Variants in EYS observed in about 807,000 individuals in gnomAD.
EYS encodes EGF-like photoreceptor maintenance factor.
Under a neutral mutation model 282.1 loss-of-function variants are expected in EYS, and 250 were observed. The observed-to-expected ratio is 0.89, with a 90% CI of 0.80 to 0.98. EYS has a LOEUF of 0.98. Ranked by LOEUF, EYS falls within the 50% of genes least tolerant of loss-of-function variation. EYS has a pLI of 0.00. For missense variants in EYS, 4,016 were observed against 3,709.0 expected, an observed-to-expected ratio of 1.08 and a Z score of -2.15; for synonymous variants, 1,355 against 1,282.9, an observed-to-expected ratio of 1.06 and a Z score of -1.20.
chr6:63,927,797 A>C (rs1764761680), intron 35 of EYS, among the ~76,000 whole-genome samples: 1 of 152,210 alleles, frequency 6.6e-6, no homozygotes, highest in Non-Finnish European at 1.5e-5. Flanking sequence ...TAAGCTACTG[A>C]ATGAACATAG....
At chr6:64,343,554 A>C (rs1411384815) in intron 29 of EYS, among the ~76,000 whole-genome samples, 2 of 152,148 alleles carry the variant, frequency 1.3e-5, no homozygotes, top group African/African-American at 2.4e-5. Context: ...ACACATTCAA[A>C]GCAGTGTGTA....
chr6:63,831,855 C>CA (rs1225327915), intron 36 of EYS, among the ~76,000 whole-genome samples: 4 of 151,970 alleles, frequency 2.6e-5, no homozygotes, highest in African/African-American at 9.7e-5. Context: ...GCAGAAATTA[C>CA]AAAAAACTGT....
At chr6:63,732,518 GATT>G (rs1240425543) in intron 41 of EYS, among the ~76,000 whole-genome samples, 1 of 152,116 alleles carries the variant, frequency 6.6e-6, no homozygotes, top group African/African-American at 2.4e-5. Flanking sequence ...TTATTTTATA[GATT>G]AAAATAAAGT....
At chr6:64,046,802 AT>A (rs1430034089) in intron 33 of EYS, among the ~76,000 whole-genome samples, 1 of 152,068 alleles carries the variant, frequency 6.6e-6, no homozygotes, top group Non-Finnish European at 1.5e-5. Context: ...TTGTTTCCAT[AT>A]TTACTACCTC....
intron 5 of EYS, among the ~76,000 whole-genome samples, chr6:65,436,562 T>C (rs2150388542): frequency 6.6e-6 from 1 of 152,270 alleles, no homozygotes; most frequent in South Asian, 2.1e-4. Flanking sequence ...CAGATCAATA[T>C]CTTCCCTCAC....
chr6:65,040,282 T>C (rs1298512952), intron 13 of EYS, among the ~76,000 whole-genome samples: 1 of 151,728 alleles, frequency 6.6e-6, no homozygotes, highest in Admixed American at 6.6e-5. Context: ...CTGACAACTA[T>C]GAGAGAGAAT....
rs1502964 is a variant in EYS, at chr6:65,335,225, T to C, written c.1600-79A>G. ...ATTACAATTGTGACCTGAGAGATCA[T>C]GATAGATGCCTCTCTGTCTACTAAG... On this transcript the variant is annotated intron_variant, in intron 10 of 42. Transcript: ENST00000503581. 1,009,360 of 1,013,482 alleles carry C rather than the reference T, an allele frequency of 1. 502,706 individuals carry two copies. Among genetic ancestry groups the C allele is most frequent in the East Asian group, 1 (40,640 of 40,642 alleles). The allele number at this position is 1,013,482 out of a possible 1,614,324, so 62.8% of individuals were successfully genotyped here. A position where few individuals can be genotyped will look rare whatever the true frequency, so the allele number is the denominator to read the frequency against.
At chr6:65,402,136 AAC>A (rs1562154084) in intron 7 of EYS, among the ~76,000 whole-genome samples, 7 of 151,692 alleles carry the variant, frequency 4.6e-5, no homozygotes, top group African/African-American at 9.7e-5. Flanking sequence ...ATATATGTAT[AAC>A]AAAAATAATA....
chr6:65,129,371 G>T (rs1428590769), intron 12 of EYS, among the ~76,000 whole-genome samples: 1 of 151,824 alleles, frequency 6.6e-6, no homozygotes, highest in Non-Finnish European at 1.5e-5. Context: ...ATTCTCAATA[G>T]AATAAATAGA....
chr6:65,085,840 T>A (rs933615011), intron 12 of EYS, among the ~76,000 whole-genome samples: 12 of 152,238 alleles, frequency 7.9e-5, no homozygotes, highest in African/African-American at 2.4e-4. Context: ...CTGCCTTTGC[T>A]CTTGCTTCTT....
chr6:63,791,459 T>C (rs1039220130), intron 37 of EYS, among the ~76,000 whole-genome samples: 18 of 152,096 alleles, frequency 1.2e-4, no homozygotes, highest in Admixed American at 6.6e-5. Flanking sequence ...ATGCCTGTAG[T>C]TCCAGCTATT....
At chr6:64,242,138 C>T (rs1198364953) in intron 30 of EYS, among the ~76,000 whole-genome samples, 2 of 152,090 alleles carry the variant, frequency 1.3e-5, no homozygotes, top group African/African-American at 4.8e-5. Context: ...AATGTATGTT[C>T]TGTTGACTTG....
intron 14 of EYS, among the ~76,000 whole-genome samples, chr6:64,951,906 T>G (rs1769525009): frequency 6.6e-6 from 1 of 151,934 alleles, no homozygotes; most frequent in Admixed American, 6.6e-5. Context: ...AGAACAATAT[T>G]TGAAAAATTG....
chr6:64,373,040 T>C (rs1772435607), intron 29 of EYS, among the ~76,000 whole-genome samples: 1 of 152,198 alleles, frequency 6.6e-6, no homozygotes, highest in South Asian at 2.1e-4. Flanking sequence ...TTCCTATCCA[T>C]ATTCTTAATT....
intron 35 of EYS, among the ~76,000 whole-genome samples, chr6:63,910,583 T>C (rs911709063): frequency 6.6e-6 from 1 of 152,238 alleles, no homozygotes; most frequent in Non-Finnish European, 1.5e-5. Context: ...CTGTGTTGTA[T>C]TGTGGTTTTA....
intron 36 of EYS, among the ~76,000 whole-genome samples, chr6:63,843,887 G>T (rs757536051): frequency 6.6e-6 from 1 of 152,176 alleles, no homozygotes; most frequent in African/African-American, 2.4e-5. Context: ...TACATGTGCA[G>T]GGTGTGCAGG....
chr6:65,114,600 A>G lies in EYS; in HGVS notation c.2024-56873T>C, dbSNP rs777949473. Among the ~76,000 whole-genome samples, 271 of 152,010 alleles carry G rather than the reference A, an allele frequency of 1.8e-3. 3 individuals are homozygous for G. The highest frequency in any genetic ancestry group is 6.2e-3 in the African/African-American group (259 of 41,540). On this transcript the variant is annotated intron_variant, in intron 12 of 42. Transcript: ENST00000503581. ...GAAAAAATCTATTCTATTTTTCTCC[A>G]TAGATATTAATATTAATAAAGAAGA...
At chr6:64,333,908 C>T (rs1276460515) in intron 29 of EYS, among the ~76,000 whole-genome samples, 1 of 152,130 alleles carries the variant, frequency 6.6e-6, no homozygotes, top group African/African-American at 2.4e-5. Flanking sequence ...GTCAATGGCC[C>T]TGGGAAGCCA....
chr6:65,658,272 C>T (rs1431744393), intron 1 of EYS, among the ~76,000 whole-genome samples: 1 of 151,430 alleles, frequency 6.6e-6, no homozygotes, highest in Admixed American at 6.6e-5. Context: ...AAAATAATGT[C>T]CTATATAGGA....
Sources: allele counts gnomAD v4.1 joint callset (sites outside exome capture counted in the v4.1 genomes callset), GRCh38; gene constraint gnomAD v4.1.1; transcripts MANE v1.5; gene names NCBI Gene and HGNC (gene_info 2026-07-23, HGNC 2026-07-21).